Variants in KAT6A observed in about 807,000 individuals in gnomAD.
The protein encoded by KAT6A is lysine acetyltransferase 6A, also known as histone acetyltransferase KAT6A.
Under a neutral mutation model 198.4 loss-of-function variants are expected in KAT6A, and 9 were observed. The ratio of observed to expected loss-of-function variants is 0.05; its 90% confidence interval spans 0.03 to 0.08. The LOEUF (loss-of-function observed/expected upper bound fraction) is 0.08, where lower values mean the gene tolerates loss of function less well. Ranked by LOEUF, KAT6A falls within the 10% of genes least tolerant of loss-of-function variation. KAT6A has a pLI of 1.00. For synonymous variants in KAT6A, 890 were observed against 883.0 expected (o/e 1.01, Z -0.14); for missense variants, 2,077 against 2,509.9 (o/e 0.83, Z 3.69).
chr8:42,047,324 A>G (rs1160010256), intron 2 of KAT6A, among the ~76,000 whole-genome samples: 1 of 152,228 alleles, frequency 6.6e-6, no homozygotes, highest in Non-Finnish European at 1.5e-5. Flanking sequence ...ACTGTTTAAG[A>G]AGTCATAATT....
At chr8:42,025,636 T>C (rs1826775493) in intron 2 of KAT6A, among the ~76,000 whole-genome samples, 1 of 152,216 alleles carries the variant, frequency 6.6e-6, no homozygotes, top group South Asian at 2.1e-4. Flanking sequence ...GTTGAGTTCC[T>C]TGTACATTCT....
intron 2 of KAT6A, among the ~76,000 whole-genome samples, chr8:41,996,367 A>G (rs1825202107): frequency 6.6e-6 from 1 of 152,362 alleles, no homozygotes; most frequent in East Asian, 1.9e-4. Context: ...GGCATATCCA[A>G]TTAAAAGAGT....
Position 42,048,483 on chromosome 8 carries a change from A to C in KAT6A, c.495T>G (p.Pro165=), listed in dbSNP as rs752761564. 3 of 1,614,060 alleles carry C rather than the reference A, an allele frequency of 1.9e-6. No homozygotes were observed. The African/African-American group carries it at 4.0e-5, about 22-fold the overall frequency. Reference sequence around the variant, plus strand: ...TTGCTTTAGTGTTGAGCCGATAAAGAGGTCCATCTTTAAGGAGTCTGCCGT... The same window carrying C: ...TTGCTTTAGTGTTGAGCCGATAAAGCGGTCCATCTTTAAGGAGTCTGCCGT... ...IGHGRLLKDG[P]LYRLNTKATN... Residue 165 remains proline, a synonymous_variant, in exon 2 of 17, where the codon CCT becomes CCG. Transcript: ENST00000265713.
intron 12 of KAT6A, among the ~76,000 whole-genome samples, chr8:41,945,182 G>T (rs974271287): frequency 7.9e-5 from 12 of 151,886 alleles, no homozygotes; most frequent in African/African-American, 2.7e-4. Context: ...AAGATGTGTT[G>T]CAGATGTTTA....
chr8:41,933,087 G>C lies in KAT6A; in HGVS notation c.5133C>G (p.Phe1711Leu). The C allele has an allele frequency of 6.7e-7, 1 of 1,486,068 alleles. No homozygotes were observed. The highest frequency in any genetic ancestry group is 9.1e-7 in the Non-Finnish European group (1 of 1,099,338). The allele number at this position is 1,486,068 out of a possible 1,614,324, so 92.1% of individuals were successfully genotyped here. A position where few individuals can be genotyped will look rare whatever the true frequency, so the allele number is the denominator to read the frequency against. Residue 1711 changes from phenylalanine (F) to leucine (L), a missense_variant, in exon 17 of 17, where the codon TTC (phenylalanine) becomes TTG (leucine). Physicochemically the swap from Phe to Leu is conservative, Grantham distance 22. Transcript: ENST00000265713. This position sits in a 1 kb window ranked among gnomAD's most constrained non-coding sequence, Gnocchi z 6.2. ...PLSQCSMNNS[F>L]TPAPMIMEIP... is the part of the protein sequence containing the mutation. ...TCTCCATGATCATAGGAGCTGGGGT[G>C]AAACTGTTATTCATACTACACTGTG... is the stretch of plus-strand genomic sequence containing the variant.
intron 2 of KAT6A, among the ~76,000 whole-genome samples, chr8:42,006,261 T>G (rs1274880030): frequency 6.6e-6 from 1 of 152,166 alleles, no homozygotes; most frequent in Non-Finnish European, 1.5e-5. Flanking sequence ...ATGTTATGTG[T>G]GTGTGTGCAG....
At chr8:42,009,208 C>A (rs988155003) in intron 2 of KAT6A, among the ~76,000 whole-genome samples, 8 of 151,892 alleles carry the variant, frequency 5.3e-5, no homozygotes, top group African/African-American at 1.7e-4. Flanking sequence ...CTTTCCTTGA[C>A]CATAAAATGG....
intron 6 of KAT6A, among the ~76,000 whole-genome samples, chr8:41,977,737 T>C (rs1824133112): frequency 6.6e-6 from 1 of 152,228 alleles, no homozygotes; most frequent in Non-Finnish European, 1.5e-5. Flanking sequence ...AACTGAAAGT[T>C]ATACTTTTAT....
intron 8 of KAT6A, among the ~76,000 whole-genome samples, chr8:41,964,319 A>G (rs1330106425): frequency 1.3e-5 from 2 of 152,214 alleles, no homozygotes; most frequent in Non-Finnish European, 2.9e-5. Context: ...AGTATTTTAC[A>G]TATAATAAGA....
chr8:41,939,408 C>T (rs190207660), intron 15 of KAT6A, among the ~76,000 whole-genome samples: 152 of 152,248 alleles, frequency 1.0e-3, no homozygotes, highest in African/African-American at 3.4e-3. Flanking sequence ...TGCTATGTCA[C>T]GCAGGTTGGA....
intron 2 of KAT6A, among the ~76,000 whole-genome samples, chr8:42,032,259 T>C (rs78232106): frequency 6.6e-6 from 1 of 152,164 alleles, no homozygotes; most frequent in Non-Finnish European, 1.5e-5. Flanking sequence ...TTCCATTTAT[T>C]ACCTTAACTA....
chr8:42,008,671 T>TGC (rs1825863832), intron 2 of KAT6A, among the ~76,000 whole-genome samples: 1 of 152,086 alleles, frequency 6.6e-6, no homozygotes, highest in Non-Finnish European at 1.5e-5. Context: ...TTTAACACTG[T>TGC]TCTCAAGAAC....
rs535745252 is a variant in KAT6A at position 41,946,489 on chromosome 8, TATATACAC to T, written c.1996+94_1996+101del. 2,808 of 453,634 alleles carry T rather than the reference TATATACAC, an allele frequency of 6.2e-3. 65 individuals are homozygous for T. In the African/African-American group the frequency reaches 0.077, roughly 12 times the overall value. The allele number at this position is 453,634 out of a possible 1,614,324, so 28.1% of individuals were successfully genotyped here. On this transcript the variant is annotated intron_variant, in intron 12 of 16. Transcript: ENST00000265713. ...GCACCTACAAATCTTTAAATATATA[TATATACAC>T]ACACACACACACACACACACACACA...
At chr8:42,000,774 T>A (rs949537885) in intron 2 of KAT6A, among the ~76,000 whole-genome samples, 1 of 152,142 alleles carries the variant, frequency 6.6e-6, no homozygotes, top group Non-Finnish European at 1.5e-5. Context: ...GGTTCTGCTA[T>A]CAGAATCATG....
At chr8:42,039,678 A>G (rs935697104) in intron 2 of KAT6A, among the ~76,000 whole-genome samples, 45 of 152,156 alleles carry the variant, frequency 3.0e-4, no homozygotes, top group Non-Finnish European at 2.5e-4. Flanking sequence ...ATTTCCTTAT[A>G]TTCATTTTCC....
At position 41,934,822 on chromosome 8, in the gene KAT6A, A is replaced by C; in HGVS notation, c.3398T>G (p.Val1133Gly). 6.2e-7 allele frequency: 1 copy of C among 1,612,886 alleles called. No homozygotes were observed. The highest frequency in any genetic ancestry group is 8.5e-7 in the Non-Finnish European group (1 of 1,179,764). ...KPVSLLRKRD[V>G]KNSPLEPDTS... ...ATCTGGCTCAAGAGGAGAATTCTTC[A>C]CATCACGTTTTCGCAAAAGAGATAC... Residue 1133 changes from valine (V) to glycine (G), a missense_variant, in exon 17 of 17, where the codon GTG becomes GGG. Around this residue, in one of 13 missense-constraint regions of KAT6A, gnomAD observed 375 missense variants for 383.0 expected, o/e 0.98. Coordinates refer to ENST00000265713, the MANE Select transcript of KAT6A (RefSeq NM_006766.5).
At chr8:41,948,669 C>T (rs1280492433) in intron 10 of KAT6A, among the ~76,000 whole-genome samples, 3 of 152,196 alleles carry the variant, frequency 2.0e-5, no homozygotes, top group Non-Finnish European at 4.4e-5. Flanking sequence ...TATACCACAC[C>T]TACCCCAGCT....
In KAT6A at chr8:41,973,682, C is replaced by T. The variant is rs73628541; in HGVS notation, c.1482+1022G>A. Reference sequence around the variant, plus strand: ...CTCACCTCCTGCCATTCTCCACACCCTATATTCTTTATCCTGAGCCATTTT... The same window carrying T: ...CTCACCTCCTGCCATTCTCCACACCTTATATTCTTTATCCTGAGCCATTTT... On this transcript the variant is annotated intron_variant, in intron 8 of 16. Transcript: ENST00000265713. Among the ~76,000 whole-genome samples the T allele has an allele frequency of 6.2e-3, 949 of 152,212 alleles. 9 individuals are homozygous for T. The highest frequency in any genetic ancestry group is 0.021 in the African/African-American group (889 of 41,514).
At chr8:42,010,664 G>A (rs536827445) in intron 2 of KAT6A, among the ~76,000 whole-genome samples, 3 of 152,246 alleles carry the variant, frequency 2.0e-5, no homozygotes, top group African/African-American at 7.2e-5. Flanking sequence ...GTTTACATCT[G>A]TTGTCCTAGT....
Sources: allele counts gnomAD v4.1 joint callset (sites outside exome capture counted in the v4.1 genomes callset), GRCh38; gene constraint gnomAD v4.1.1; regional missense constraint gnomAD v4.1.1; non-coding constraint Gnocchi (gnomAD v3.1); transcripts MANE v1.5; gene names NCBI Gene and HGNC (gene_info 2026-07-23, HGNC 2026-07-21).